The following DGKG variants were observed in gnomAD, a reference collection of about 807,000 sequenced individuals.
DGKG encodes the protein DAG kinase gamma.
A neutral mutation model predicts 105.3 loss-of-function variants in DGKG; 78 were observed. The ratio of observed to expected loss-of-function variants is 0.74; its 90% CI spans 0.62 to 0.89. DGKG has a LOEUF of 0.89. Ranked by LOEUF, DGKG falls within the 40% of genes least tolerant of loss-of-function variation. The pLI is 0.00. For missense variants in DGKG, 958 were observed against 1,020.1 expected, an observed-to-expected ratio of 0.94 and a Z score of 0.83; for synonymous variants, 346 against 367.1, an observed-to-expected ratio of 0.94 and a Z score of 0.66.
At chr3:186,215,799 G>C (rs1219692114) in intron 20 of DGKG, among the ~76,000 whole-genome samples, 1 of 152,076 alleles carries the variant, frequency 6.6e-6, no homozygotes, top group Non-Finnish European at 1.5e-5. Context: ...TCCTGAGAGA[G>C]GGGCACAGGA....
intron 21 of DGKG, among the ~76,000 whole-genome samples, chr3:186,193,525 C>T (rs1718009323): frequency 6.6e-6 from 1 of 152,244 alleles, no homozygotes; most frequent in Non-Finnish European, 1.5e-5. Context: ...GGCCTCTTGG[C>T]CCGACCCAGG....
chr3:186,292,718 C>T (rs745400863), intron 5 of DGKG, among the ~76,000 whole-genome samples: 1 of 151,682 alleles, frequency 6.6e-6, no homozygotes, highest in Non-Finnish European at 1.5e-5. Context: ...CACTTGAACG[C>T]GGGAGGCAGA....
At chr3:186,267,600 G>A in intron 13 of DGKG, 85 bp downstream of exon 13, 1 of 1,006,520 alleles carries the variant, frequency 9.9e-7, no homozygotes, top group Non-Finnish European at 1.6e-6. Flanking sequence ...GAAGCCCTGG[G>A]AAGGATGTGA....
intron 3 of DGKG, among the ~76,000 whole-genome samples, chr3:186,304,676 A>G (rs1256389842): frequency 6.6e-6 from 1 of 152,246 alleles, no homozygotes; most frequent in Non-Finnish European, 1.5e-5. Flanking sequence ...ACAGATTTTT[A>G]AGTGCTTGTA....
intron 1 of DGKG, among the ~76,000 whole-genome samples, chr3:186,342,993 TA>T (rs2108662364): frequency 6.6e-6 from 1 of 151,954 alleles, no homozygotes; most frequent in East Asian, 1.9e-4. Flanking sequence ...GGCACAAACT[TA>T]AACGGAAAAA....
intron 1 of DGKG, among the ~76,000 whole-genome samples, chr3:186,355,091 C>G (rs1022999010): frequency 2.0e-5 from 3 of 148,848 alleles, no homozygotes; most frequent in Admixed American, 6.8e-5. Flanking sequence ...TGTTCAGAAT[C>G]ATAGAGTTAA....
rs1560096022 is a variant in DGKG, at chr3:186,209,088, C to CTTTTTTTT, written c.1917+2706_1917+2707insAAAAAAAA. 8.2e-4 allele frequency among the ~76,000 whole-genome samples: 102 copies of CTTTTTTTT among 124,872 alleles called. 1 individual carries two copies. Among genetic ancestry groups the CTTTTTTTT allele is most frequent in the African/African-American group, 3.1e-3 (94 of 29,918 alleles). 81.9% of individuals were successfully genotyped at this position (124,872 alleles called of 152,430 possible). Reference sequence around the variant, plus strand: ...TGGACTTTTCTCTCCCTTCAGTTTACTCTTCTTTTTTTTTTTTTTTTTTTT... The same window carrying CTTTTTTTT: ...TGGACTTTTCTCTCCCTTCAGTTTACTTTTTTTTTCTTCTTTTTTTTTTTTTTTTTTTT... On this transcript the variant is annotated intron_variant, in intron 21 of 24. Transcript: ENST00000265022.
chr3:186,314,924 T>C (rs1724743254), intron 2 of DGKG, among the ~76,000 whole-genome samples: 1 of 152,166 alleles, frequency 6.6e-6, no homozygotes, highest in South Asian at 2.1e-4. Context: ...TGAGGCATCA[T>C]GGAACTTTTA....
chr3:186,224,690 T>C (rs1719762825), intron 20 of DGKG, among the ~76,000 whole-genome samples: 1 of 152,174 alleles, frequency 6.6e-6, no homozygotes. Context: ...AAGAATTATG[T>C]TTGACTCAAT....
intron 1 of DGKG, among the ~76,000 whole-genome samples, chr3:186,338,358 G>A (rs1016975204): frequency 5.3e-5 from 8 of 152,042 alleles, no homozygotes; most frequent in Non-Finnish European, 7.4e-5. Context: ...TTTAGTTCTG[G>A]TACTTACTAG....
chr3:186,189,101 C>T (rs1030062633), intron 21 of DGKG, among the ~76,000 whole-genome samples: 6 of 152,208 alleles, frequency 3.9e-5, no homozygotes, highest in Admixed American at 6.5e-5. Flanking sequence ...GAGTGAGCCA[C>T]CACGCCTGGC....
rs1377100992 is a variant in DGKG, at chr3:186,148,907, C to T, written c.*1183G>A. On this transcript the variant is annotated 3_prime_UTR_variant, in exon 25 of 25. Coordinates refer to ENST00000265022, the MANE Select transcript of DGKG (RefSeq NM_001346.3). ...TTTCCTTACCACTTTCTGTCTCATA[C>T]TACCTATGTTTTTTTTTTCCAATGA... 6.5e-5 allele frequency: 64 copies of T among 979,864 alleles called. No homozygotes were observed. Among genetic ancestry groups the T allele is most frequent in the East Asian group, 1.1e-4 (1 of 8,726 alleles). 60.7% of individuals were successfully genotyped at this position (979,864 alleles called of 1,614,324 possible). A position where few individuals can be genotyped will look rare whatever the true frequency, so the allele number is the denominator to read the frequency against.
chr3:186,262,569 A>G (rs1208299340), intron 14 of DGKG, among the ~76,000 whole-genome samples: 1 of 152,184 alleles, frequency 6.6e-6, no homozygotes, highest in African/African-American at 2.4e-5. Context: ...TTGTAAAGAC[A>G]TCTCATTATT....
intron 21 of DGKG, among the ~76,000 whole-genome samples, chr3:186,205,902 T>G: frequency 6.6e-6 from 1 of 151,708 alleles, no homozygotes; most frequent in East Asian, 1.9e-4. Context: ...AAAAAAAAAT[T>G]AAAAAAATCC....
chr3:186,185,779 CT>C (rs1276465243), intron 22 of DGKG, among the ~76,000 whole-genome samples: 2 of 152,022 alleles, frequency 1.3e-5, no homozygotes, highest in Non-Finnish European at 2.9e-5. Flanking sequence ...GAAAAGTTTA[CT>C]GTGTGAAATA....
chr3:186,274,463 A>G (rs934362694), intron 10 of DGKG, among the ~76,000 whole-genome samples: 6 of 151,846 alleles, frequency 4.0e-5, no homozygotes, highest in African/African-American at 9.7e-5. Flanking sequence ...GTGTATACAT[A>G]TGCCATGTTG....
intron 19 of DGKG, 52 bp from the exon 20 acceptor site, chr3:186,242,620 A>G (rs1219330675): frequency 2.6e-6 from 4 of 1,528,298 alleles, no homozygotes; most frequent in Non-Finnish European, 9.0e-7. Context: ...ATGACAGTGC[A>G]GTGCGGAGGG....
intron 9 of DGKG, among the ~76,000 whole-genome samples, chr3:186,276,983 G>A (rs1315570447): frequency 6.6e-6 from 1 of 152,194 alleles, no homozygotes; most frequent in African/African-American, 2.4e-5. Context: ...TTTTCCAAAT[G>A]CTGGCTTTCT....
intron 1 of DGKG, among the ~76,000 whole-genome samples, chr3:186,344,372 T>C (rs1726229668): frequency 6.8e-6 from 1 of 147,306 alleles, no homozygotes; most frequent in Non-Finnish European, 1.5e-5. Flanking sequence ...AAAGAAAATG[T>C]GGTACATATA....
Sources: allele counts gnomAD v4.1 joint callset (sites outside exome capture counted in the v4.1 genomes callset), GRCh38; gene constraint gnomAD v4.1.1; transcripts MANE v1.5; gene names NCBI Gene and HGNC (gene_info 2026-07-23, HGNC 2026-07-21).